Variants in PCLAF observed in about 807,000 individuals in gnomAD.
PCLAF encodes PCNA clamp associated factor, also known as PCNA-associated factor.
A neutral mutation model predicts 15.1 loss-of-function variants in PCLAF; 12 were observed. The ratio of observed to expected loss-of-function variants is 0.79; its 90% CI spans 0.51 to 1.29. The LOEUF (loss-of-function observed/expected upper bound fraction) is 1.29, where lower values mean the gene tolerates loss of function less well. Among genes scored for constraint, PCLAF ranks in the 50% most tolerant of loss-of-function variants. The pLI is 0.00. For missense variants in PCLAF, 116 were observed against 130.9 expected, an observed-to-expected ratio of 0.89 and a Z score of 0.56; for synonymous variants, 33 against 47.1, an observed-to-expected ratio of 0.70 and a Z score of 1.22.
At chr15:64,375,274 G>T (rs1352837401) in intron 3 of PCLAF, among the ~76,000 whole-genome samples, 1 of 151,998 alleles carries the variant, frequency 6.6e-6, no homozygotes, top group Non-Finnish European at 1.5e-5. Context: ...ACAGGCACGT[G>T]CCACCACGCC....
At chr15:64,379,012 A>G (rs887910123) in intron 2 of PCLAF, among the ~76,000 whole-genome samples, 2 of 152,114 alleles carry the variant, frequency 1.3e-5, no homozygotes, top group African/African-American at 2.4e-5. Context: ...AAATTTCCTT[A>G]TCTTTAAAAT....
upstream of PCLAF, chr15:64,382,823 T>C (rs1401505767): frequency 1.8e-5 from 5 of 280,742 alleles, no homozygotes; most frequent in Non-Finnish European, 2.8e-5. Context: ...AAAATAAAAA[T>C]AAAAATAAAA....
At position 64,376,698 on chromosome 15, in the gene PCLAF, C is replaced by T. The variant is rs917228771; in HGVS notation, c.290+45G>A. The T allele has an allele frequency of 1.4e-5, 21 of 1,514,826 alleles. No individual in the cohort carries two copies. In the East Asian group the frequency reaches 2.1e-4, roughly 15 times the overall value. The allele number at this position is 1,514,826 out of a possible 1,614,324, so 93.8% of individuals were successfully genotyped here. ...CCTCCCAAAGTGCTGGGATTACAGG[C>T]GTGAGATAAATATTTTCTTTATATT... On this transcript the variant is annotated intron_variant, in intron 3 of 3. Transcript: ENST00000300035.
upstream of PCLAF, among the ~76,000 whole-genome samples, chr15:64,381,881 C>T (rs918117528): frequency 6.6e-6 from 1 of 152,140 alleles, no homozygotes; most frequent in African/African-American, 2.4e-5. Flanking sequence ...CTTTAGTCCC[C>T]CAGGCATGAA....
chr15:64,383,746 C>T (rs557064536), upstream of PCLAF, among the ~76,000 whole-genome samples: 79 of 152,252 alleles, frequency 5.2e-4, no homozygotes, highest in Middle Eastern at 6.8e-3. Context: ...TTAATTTGAA[C>T]TTATATTCCA....
chr15:64,370,882 G>C (rs1899275995), intron 3 of PCLAF, among the ~76,000 whole-genome samples: 1 of 118,238 alleles, frequency 8.5e-6, no homozygotes, highest in African/African-American at 3.2e-5. Context: ...GAGCACAAAA[G>C]CATTGTGAAT....
chr15:64,378,541 T>C (rs142389130), intron 2 of PCLAF, among the ~76,000 whole-genome samples: 1 of 152,160 alleles, frequency 6.6e-6, no homozygotes, highest in African/African-American at 2.4e-5. Context: ...AAAGAAGGAA[T>C]GGCATATAAA....
chr15:64,370,399 G>A (rs1343675598), intron 3 of PCLAF, among the ~76,000 whole-genome samples: 2 of 148,876 alleles, frequency 1.3e-5, no homozygotes, highest in African/African-American at 2.5e-5. Context: ...ACGGATTATC[G>A]CTCTGTTGCC....
At chr15:64,384,038 CAG>C (rs1260177653), upstream of PCLAF, among the ~76,000 whole-genome samples, 1 of 151,326 alleles carries the variant, frequency 6.6e-6, no homozygotes, top group Admixed American at 6.6e-5. Context: ...AAATAAAACA[CAG>C]AGAGTGGTGT....
chr15:64,381,206 C>G (rs1385181463), intron 1 of PCLAF, 120 bp downstream of exon 1: 3 of 1,312,134 alleles, frequency 2.3e-6, no homozygotes, highest in African/African-American at 1.5e-5. Flanking sequence ...GGCGGCTACT[C>G]CCTGGCTAGC....
chr15:64,374,645 G>C (rs907285360), intron 3 of PCLAF, among the ~76,000 whole-genome samples: 1 of 152,092 alleles, frequency 6.6e-6, no homozygotes, highest in Non-Finnish European at 1.5e-5. Context: ...CGGAGTTTGA[G>C]ACCGGCCTAG....
At chr15:64,374,816 A>T (rs986806283) in intron 3 of PCLAF, among the ~76,000 whole-genome samples, 17 of 150,358 alleles carry the variant, frequency 1.1e-4, no homozygotes, top group Non-Finnish European at 2.2e-4. Context: ...ACTGCATTAC[A>T]GCCTGGGTGA....
At position 64,372,911 on chromosome 15, in the gene PCLAF, G is replaced by A. The variant is rs1899403502; in HGVS notation, c.290+3832C>T. On this transcript the variant is annotated intron_variant, in intron 3 of 3. Coordinates refer to ENST00000300035, the MANE Select transcript of PCLAF (RefSeq NM_014736.6). ...GAACCCAGGAGGCGAAGGTTGCAGT[G>A]AGCCAAGATAGCACCACTGCACGCC... 2.0e-5 allele frequency among the ~76,000 whole-genome samples: 3 copies of A among 152,252 alleles called. No individual in the cohort carries two copies. In the South Asian group the frequency reaches 6.2e-4, roughly 32 times the overall value.
chr15:64,381,434 G>C lies in PCLAF; in HGVS notation c.-63C>G. On this transcript the variant is annotated 5_prime_UTR_variant, in exon 1 of 4. Transcript: ENST00000300035. Reference sequence around the variant, plus strand: ...ACTTCCCAGCCGAGGGTGTTTCACTGGACAAGGACCCGAAAACTATCCCGC... The same window carrying C: ...ACTTCCCAGCCGAGGGTGTTTCACTCGACAAGGACCCGAAAACTATCCCGC... The C allele has an allele frequency of 6.2e-7, 1 of 1,613,072 alleles. No homozygotes were observed. The highest frequency in any genetic ancestry group is 8.5e-7 in the Non-Finnish European group (1 of 1,179,486).
At chr15:64,369,104 G>A (rs1021570506) in intron 3 of PCLAF, among the ~76,000 whole-genome samples, 9 of 152,088 alleles carry the variant, frequency 5.9e-5, no homozygotes, top group African/African-American at 1.9e-4. Flanking sequence ...GCTGAGGCCC[G>A]TAATCCCAAC....
At chr15:64,366,393 T>C (rs1899033032) in intron 3 of PCLAF, among the ~76,000 whole-genome samples, 1 of 152,212 alleles carries the variant, frequency 6.6e-6, no homozygotes, top group Non-Finnish European at 1.5e-5. Context: ...TTAAATGGAT[T>C]GATAAACAAT....
chr15:64,377,753 T>G (rs1899669631), intron 2 of PCLAF, among the ~76,000 whole-genome samples: 3 of 99,280 alleles, frequency 3.0e-5, no homozygotes, highest in Admixed American at 1.1e-4. Flanking sequence ...TGGTGTTTTT[T>G]TTTTTTTTTT....
chr15:64,378,816 CAGA>C (rs1899720431), intron 2 of PCLAF, among the ~76,000 whole-genome samples: 1 of 151,796 alleles, frequency 6.6e-6, no homozygotes, highest in African/African-American at 2.4e-5. Flanking sequence ...GAGGCTGAGG[CAGA>C]AGAATTGCTT....
Position 64,381,093 on chromosome 15 carries a change from G to C in PCLAF, c.47-55C>G, listed in dbSNP as rs1034830089. On this transcript the variant is annotated intron_variant, in intron 1 of 3. Transcript: ENST00000300035. ...GAAGGGGCAGGAGGGTTCCGACACC[G>C]AGTCCTGGACCCCAGCAGCTTGGAG... The C allele has an allele frequency of 3.2e-6, 5 of 1,539,158 alleles. No homozygotes were observed. The African/African-American group carries it at 5.4e-5, about 17-fold the overall frequency.
Sources: gnomAD v4.1 joint callset for allele counts (sites outside exome capture counted in the v4.1 genomes callset) on GRCh38, gnomAD v4.1.1 for gene constraint, MANE v1.5 for transcripts, NCBI Gene and HGNC (gene_info 2026-07-23, HGNC 2026-07-21) for gene names.